The following SLF1 variants were observed in gnomAD, a reference collection of about 807,000 sequenced individuals.
SLF1 encodes the protein SMC5-SMC6 complex localization factor protein 1.
In SLF1, 105 loss-of-function variants were observed where a neutral mutation model predicts 123.0. That is an observed-to-expected ratio of 0.85 (90% CI 0.73 to 1.00). SLF1 has a LOEUF of 1.00. Ranked by LOEUF, SLF1 falls within the 50% of genes least tolerant of loss-of-function variation. The pLI is 0.00. For missense variants in SLF1, 1,239 were observed against 1,223.0 expected (o/e 1.01, Z -0.20); for synonymous variants, 434 against 406.6 (o/e 1.07, Z -0.81).
chr5:94,649,459 A>C lies in SLF1; in HGVS notation c.600A>C (p.Glu200Asp). Reference sequence around the variant, plus strand: ...CCATTTTTACATACATACAGAAAGAAATTCAGAATGATGAAGATTCCCAAA... The same window carrying C: ...CCATTTTTACATACATACAGAAAGACATTCAGAATGATGAAGATTCCCAAA... The part of the protein sequence containing the change: ...QYLGDFLLEK[E>D]IQNDEDSQTN... Residue 200 changes from glutamate to aspartate, a missense_variant, in exon 6 of 21, where the codon GAA becomes GAC. Coordinates refer to ENST00000265140, the MANE Select transcript of SLF1 (RefSeq NM_032290.4). 6.7e-7 allele frequency: 1 copy of C among 1,494,058 alleles called. No homozygotes were observed. The allele number at this position is 1,494,058 out of a possible 1,614,324, so 92.6% of individuals were successfully genotyped here. A position where few individuals can be genotyped will look rare whatever the true frequency, so the allele number is the denominator to read the frequency against.
At chr5:94,651,247 T>C (rs1000024937) in intron 6 of SLF1, among the ~76,000 whole-genome samples, 2 of 152,192 alleles carry the variant, frequency 1.3e-5, no homozygotes, top group African/African-American at 4.8e-5. Context: ...GTAGGTAGAC[T>C]CTGATGTTCG....
rs961244105 is a variant in SLF1 at position 94,688,566 on chromosome 5, G to C, written c.2182G>C (p.Val728Leu). 6.2e-7 allele frequency: 1 copy of C among 1,614,030 alleles called. No homozygotes were observed. ...TGTGCTTGGGTCTGGAAAGATTCAG[G>C]TGTCAAAGAAAATAGGACAGCGGCC... is the stretch of plus-strand genomic sequence containing the variant. The part of the protein sequence containing the change: ...TGVLGSGKIQ[V>L]SKKIGQRPCF... The change falls in exon 17 of 21, where the codon GTG (valine) becomes CTG (leucine). Residue 728 changes from valine (V) to leucine (L), a missense_variant. By Grantham distance (32) the Val-to-Leu change is conservative. Coordinates refer to ENST00000265140, the MANE Select transcript of SLF1 (RefSeq NM_032290.4).
rs1561439739 is a variant in SLF1, at chr5:94,649,457, G to C, written c.598G>C (p.Glu200Gln). Residue 200 changes from glutamate (E) to glutamine (Q), a missense_variant, in exon 6 of 21, where the codon GAA (glutamate) becomes CAA (glutamine). Coordinates refer to ENST00000265140, the MANE Select transcript of SLF1 (RefSeq NM_032290.4). ...QYLGDFLLEK[E>Q]IQNDEDSQTN... The stretch of plus-strand genomic sequence containing the variant: ...AACCATTTTTACATACATACAGAAA[G>C]AAATTCAGAATGATGAAGATTCCCA... The C allele has an allele frequency of 2.0e-6, 3 of 1,492,540 alleles. No homozygotes were observed. Among genetic ancestry groups the C allele is most frequent in the Non-Finnish European group, 1.8e-6 (2 of 1,107,792 alleles). The allele number at this position is 1,492,540 out of a possible 1,614,324, so 92.5% of individuals were successfully genotyped here.
intron 1 of SLF1, among the ~76,000 whole-genome samples, chr5:94,625,565 T>C (rs1048029504): frequency 1.2e-4 from 18 of 151,822 alleles, no homozygotes; most frequent in African/African-American, 3.6e-4. Context: ...TGTATTTTAG[T>C]AGAGATGGGG....
Position 94,688,517 on chromosome 5 carries a change from T to TGTAA in SLF1, c.2133_2134insGTAA (p.Leu712ValfsTer29). ...TTATTTTTCAACAGGTATATTCCTA[T>TGTAA]TTACCAGCCTTGGGGAAAACTGGTG... On this transcript the variant is annotated frameshift_variant, in exon 17 of 21. Coordinates refer to ENST00000265140, the MANE Select transcript of SLF1 (RefSeq NM_032290.4). LOFTEE classifies it high-confidence loss of function. 6.2e-7 allele frequency: 1 copy of TGTAA among 1,614,000 alleles called. No individual in the cohort carries two copies. The highest frequency in any genetic ancestry group is 8.5e-7 in the Non-Finnish European group (1 of 1,179,918).
At chr5:94,665,066 A>G (rs1390643) in intron 11 of SLF1, among the ~76,000 whole-genome samples, 11,203 of 152,266 alleles carry the variant, frequency 0.074, 458 homozygotes, top group South Asian at 0.12. Flanking sequence ...AATAAGATAC[A>G]GTCATACATA....
In SLF1 at chr5:94,692,183, C is replaced by T. The variant is rs768716447; in HGVS notation, c.2622C>T (p.Asp874=). The change falls in exon 20 of 21, where the codon GAC becomes GAT. Residue 874 remains aspartate (D), a synonymous_variant. Transcript: ENST00000265140. ...AGGTAGATCTGCTCACTCAAGTGGA[C>T]GGGGTGACTCCTTTGCATGATGCAC... ...CPEVDLLTQV[D]GVTPLHDALS... 3.2e-5 allele frequency: 51 copies of T among 1,613,672 alleles called. No homozygotes were observed. The highest frequency in any genetic ancestry group is 1.6e-4 in the Middle Eastern group (1 of 6,082).
intron 14 of SLF1, among the ~76,000 whole-genome samples, chr5:94,673,542 A>G (rs2072928289): frequency 6.6e-6 from 1 of 151,990 alleles, no homozygotes; most frequent in Non-Finnish European, 1.5e-5. Flanking sequence ...CAAAAATAAA[A>G]CAGATGTAGT....
At chr5:94,665,472 C>T (rs928236679) in intron 11 of SLF1, among the ~76,000 whole-genome samples, 11 of 152,146 alleles carry the variant, frequency 7.2e-5, no homozygotes, top group African/African-American at 2.4e-4. Flanking sequence ...AGCGTTAGGC[C>T]GGGCGTGGTG....
intron 4 of SLF1, 144 bp downstream of exon 4, chr5:94,630,887 C>A: frequency 1.2e-6 from 1 of 844,228 alleles, no homozygotes; most frequent in Non-Finnish European, 1.8e-6. Flanking sequence ...CCATTATGCT[C>A]GTTTAGACTT....
chr5:94,637,120 A>C (rs953228293), intron 4 of SLF1, among the ~76,000 whole-genome samples: 3 of 152,078 alleles, frequency 2.0e-5, no homozygotes, highest in African/African-American at 7.2e-5. Flanking sequence ...ATTTCTTTGG[A>C]GGTGCCCTGA....
At chr5:94,623,821 A>G (rs765588025) in intron 1 of SLF1, among the ~76,000 whole-genome samples, 4 of 152,162 alleles carry the variant, frequency 2.6e-5, no homozygotes, top group African/African-American at 9.6e-5. Flanking sequence ...CTGCAGGGTC[A>G]GAAAGAACCA....
At chr5:94,652,757 T>C (rs190604695) in intron 7 of SLF1, among the ~76,000 whole-genome samples, 1 of 152,324 alleles carries the variant, frequency 6.6e-6, no homozygotes, top group East Asian at 1.9e-4. Context: ...AGTGTGCATG[T>C]TCAACTATAC....
chr5:94,676,443 A>G (rs1028882754), intron 14 of SLF1, among the ~76,000 whole-genome samples: 2 of 152,170 alleles, frequency 1.3e-5, no homozygotes, highest in African/African-American at 4.8e-5. Context: ...CCCATGCCAT[A>G]TAGCCGCAAC....
chr5:94,668,860 C>T (rs1750116074), intron 12 of SLF1, among the ~76,000 whole-genome samples: 2 of 152,122 alleles, frequency 1.3e-5, no homozygotes, highest in African/African-American at 4.8e-5. Flanking sequence ...CACATCAGGC[C>T]TATGACTTTC....
intron 8 of SLF1, 79 bp downstream of exon 8, chr5:94,653,500 A>G: frequency 5.7e-6 from 7 of 1,224,484 alleles, no homozygotes; most frequent in Non-Finnish European, 6.6e-6. Flanking sequence ...ATATAATGCT[A>G]CATGTTTTAA....
intron 5 of SLF1, among the ~76,000 whole-genome samples, chr5:94,646,713 T>A (rs1747110686): frequency 6.6e-6 from 1 of 152,210 alleles, no homozygotes; most frequent in South Asian, 2.1e-4. Context: ...CAGCATAGAC[T>A]TTTTGAGCCA....
intron 4 of SLF1, among the ~76,000 whole-genome samples, chr5:94,637,014 C>G (rs1041753426): frequency 6.6e-6 from 1 of 152,208 alleles, no homozygotes; most frequent in Non-Finnish European, 1.5e-5. Context: ...GCCACTATGC[C>G]TGGCCTGAAC....
intron 9 of SLF1, among the ~76,000 whole-genome samples, chr5:94,660,423 A>G (rs1468600106): frequency 6.6e-6 from 1 of 152,110 alleles, no homozygotes; most frequent in Non-Finnish European, 1.5e-5. Context: ...GGAGTGGTGG[A>G]CAGGGATGGG....
Sources: allele counts gnomAD v4.1 joint callset (sites outside exome capture counted in the v4.1 genomes callset), GRCh38; gene constraint gnomAD v4.1.1; transcripts MANE v1.5; gene names NCBI Gene and HGNC (gene_info 2026-07-23, HGNC 2026-07-21).